The following SHANK2 variants were observed in gnomAD, a reference collection of about 807,000 sequenced individuals.
SHANK2 encodes SH3 and multiple ankyrin repeat domains 2, also known as SH3 and multiple ankyrin repeat domains protein 2.
SHANK2 carries 43 observed loss-of-function variants against 133.7 expected under a neutral mutation model. That is an observed-to-expected ratio of 0.32 (90% CI 0.25 to 0.41). SHANK2 has a LOEUF of 0.41. Among genes scored for constraint, SHANK2 ranks in the 10% least tolerant of loss-of-function variants. The pLI is 1.00. For missense variants in SHANK2, 1,994 were observed against 2,235.8 expected (o/e 0.89, Z 2.18); for synonymous variants, 1,017 against 952.8 (o/e 1.07, Z -1.24).
chr11:71,095,343 G>A lies in SHANK2; in HGVS notation c.593-655C>T, dbSNP rs117177525. ...ACCCTGGACCAGTCTGCAGATGAGC[G>A]TGGCTAAGGACGTCAGTGTCTATTA... On this transcript the variant is annotated intron_variant, in intron 6 of 25. Transcript: ENST00000601538. Among the ~76,000 whole-genome samples the A allele has an allele frequency of 8.3e-4, 127 of 152,342 alleles. 4 individuals are homozygous for A. The East Asian group carries it at 0.023, about 27-fold the overall frequency.
chr11:71,075,996 C>A (rs1047693723), intron 8 of SHANK2, among the ~76,000 whole-genome samples: 145 of 152,282 alleles, frequency 9.5e-4, no homozygotes, highest in Middle Eastern at 3.4e-3. Flanking sequence ...CAGAAACAAC[C>A]CTTAACCCTC....
At chr11:70,628,523 T>C (rs1251174245) in intron 17 of SHANK2, among the ~76,000 whole-genome samples, 1 of 152,164 alleles carries the variant, frequency 6.6e-6, no homozygotes, top group Admixed American at 6.5e-5. Flanking sequence ...CTTCAGTCCT[T>C]ATAGTAGCTC....
rs572856587 is a variant in SHANK2, at chr11:71,232,844, T to C, written c.-112-8048A>G. Among the ~76,000 whole-genome samples, 57 of 152,288 alleles carry C rather than the reference T, an allele frequency of 3.7e-4. No individual in the cohort carries two copies. In the South Asian group the frequency reaches 0.012, roughly 31 times the overall value. On this transcript the variant is annotated intron_variant, in intron 1 of 25. Coordinates refer to ENST00000601538, the MANE Select transcript of SHANK2 (RefSeq NM_012309.5). ...CAAGTTATACCTGGACTTTTGACTGTGTGGGAGTTGGAACCCAACCTCTCC... is the reference window on the plus strand; with the variant it reads ...CAAGTTATACCTGGACTTTTGACTGCGTGGGAGTTGGAACCCAACCTCTCC...
At chr11:70,641,215 C>A (rs2061175843) in intron 17 of SHANK2, among the ~76,000 whole-genome samples, 1 of 151,952 alleles carries the variant, frequency 6.6e-6, no homozygotes, top group Non-Finnish European at 1.5e-5. Context: ...CCTGCCTCAG[C>A]CTCCTGAGTA....
chr11:71,132,841 T>C (rs1401866930), intron 3 of SHANK2, among the ~76,000 whole-genome samples: 1 of 152,310 alleles, frequency 6.6e-6, no homozygotes, highest in East Asian at 1.9e-4. Context: ...CTCACCAGTT[T>C]CTTGACTAAA....
chr11:70,823,252 G>A (rs1257982283), intron 11 of SHANK2, among the ~76,000 whole-genome samples: 1 of 92,036 alleles, frequency 1.1e-5, no homozygotes, highest in Non-Finnish European at 2.1e-5. Flanking sequence ...CAGAGGTGGC[G>A]CTGGCAGAGT....
At chr11:70,477,493 AAG>A (rs1555150435) in intron 25 of SHANK2, 1 of 152,232 alleles carries the variant, frequency 6.6e-6, no homozygotes, top group East Asian at 1.9e-4. Flanking sequence ...GGAAAAAAGA[AAG>A]AAAATAGTAG....
intron 17 of SHANK2, among the ~76,000 whole-genome samples, chr11:70,577,943 G>A (rs2060137106): frequency 6.6e-6 from 1 of 152,180 alleles, no homozygotes; most frequent in African/African-American, 2.4e-5. Flanking sequence ...ACCTGTGAGG[G>A]GACAGGGAGA....
At chr11:71,151,766 T>A (rs782383528) in intron 2 of SHANK2, among the ~76,000 whole-genome samples, 2 of 148,894 alleles carry the variant, frequency 1.3e-5, no homozygotes, top group Non-Finnish European at 3.0e-5. Context: ...TCAGGTCAGA[T>A]AACGTCTGAC....
chr11:70,504,985 G>A (rs2059116564), intron 17 of SHANK2, among the ~76,000 whole-genome samples: 1 of 152,106 alleles, frequency 6.6e-6, no homozygotes, highest in African/African-American at 2.4e-5. Flanking sequence ...AAGCCATGAG[G>A]CACAGGCAGT....
At chr11:70,660,563 G>A (rs2061470293) in intron 16 of SHANK2, among the ~76,000 whole-genome samples, 1 of 152,206 alleles carries the variant, frequency 6.6e-6, no homozygotes, top group South Asian at 2.1e-4. Context: ...AGCACAGTGA[G>A]GCTTGGCTTC....
intron 11 of SHANK2, among the ~76,000 whole-genome samples, chr11:70,841,966 G>A (rs1488442709): frequency 6.6e-6 from 1 of 152,070 alleles, no homozygotes; most frequent in Non-Finnish European, 1.5e-5. Context: ...TCCTTGTGCT[G>A]TCACTGCCCT....
At chr11:70,662,371 C>T (rs1555013716) in intron 15 of SHANK2, among the ~76,000 whole-genome samples, 1 of 152,192 alleles carries the variant, frequency 6.6e-6, no homozygotes, top group African/African-American at 2.4e-5. Flanking sequence ...CCGGCGGCTG[C>T]CTGGGCGTCA....
At chr11:70,529,326 G>A (rs1591540750) in intron 17 of SHANK2, among the ~76,000 whole-genome samples, 1 of 152,350 alleles carries the variant, frequency 6.6e-6, no homozygotes, top group East Asian at 1.9e-4. Flanking sequence ...GCTGGGCCCA[G>A]AGAAGGCGGG....
intron 2 of SHANK2, among the ~76,000 whole-genome samples, chr11:71,220,787 A>T (rs1434043740): frequency 6.6e-6 from 1 of 152,060 alleles, no homozygotes; most frequent in Non-Finnish European, 1.5e-5. Context: ...ATGGGGAGGG[A>T]GGGTTCAATG....
intron 10 of SHANK2, among the ~76,000 whole-genome samples, chr11:70,902,447 C>A (rs1320807518): frequency 6.6e-6 from 1 of 152,228 alleles, no homozygotes; most frequent in Admixed American, 6.5e-5. Context: ...TGCCGCCTCC[C>A]CACCTGTCTC....
chr11:70,670,088 A>T (rs1465713349), intron 15 of SHANK2, among the ~76,000 whole-genome samples: 2 of 151,958 alleles, frequency 1.3e-5, no homozygotes, highest in Non-Finnish European at 2.9e-5. Context: ...GCCAGGAAGG[A>T]CTCCCCACAG....
intron 15 of SHANK2, chr11:70,698,324 C>G (rs1226471382): frequency 3.4e-6 from 1 of 294,604 alleles, no homozygotes; most frequent in African/African-American, 2.2e-5. Context: ...AAACCCAGAC[C>G]TGAGGCATCC....
chr11:70,932,019 C>T (rs868941937), intron 10 of SHANK2, among the ~76,000 whole-genome samples: 2 of 152,210 alleles, frequency 1.3e-5, no homozygotes, highest in Non-Finnish European at 2.9e-5. Context: ...CATAAGCCCA[C>T]TCTAAACTTC....
Sources: gnomAD v4.1 joint callset for allele counts (sites outside exome capture counted in the v4.1 genomes callset) on GRCh38, gnomAD v4.1.1 for gene constraint, MANE v1.5 for transcripts, NCBI Gene and HGNC (gene_info 2026-07-23, HGNC 2026-07-21) for gene names.